Variants in EFHC1 observed in about 807,000 individuals in gnomAD.
EFHC1 encodes the protein EF-hand domain-containing protein 1.
A neutral mutation model predicts 69.9 loss-of-function variants in EFHC1; 53 were observed. That is an observed-to-expected ratio of 0.76 (90% CI 0.61 to 0.95). The LOEUF (loss-of-function observed/expected upper bound fraction) is 0.95. EFHC1 is among the 40% of genes least tolerant of loss of function. The probability of loss-of-function intolerance (pLI) is 0.00; values close to 1 mark genes in which losing one functional copy is unlikely to be tolerated. For synonymous variants in EFHC1, 256 were observed against 278.4 expected (o/e 0.92, Z 0.80); for missense variants, 739 against 798.7 (o/e 0.93, Z 0.90).
At position 52,459,661 on chromosome 6, in the gene EFHC1, TTTTGTTTG is replaced by T. The variant is rs546127402; in HGVS notation, c.917-5214_917-5207del. Among the ~76,000 whole-genome samples the T allele has an allele frequency of 8.0e-5, 12 of 150,056 alleles. No homozygotes were observed. The South Asian group carries it at 1.1e-3, about 13-fold the overall frequency. ...AAAAATAGCGTGACAGGTTTTTTTG[TTTTGTTTG>T]TTTGTTTGTTTGTTTGTTTTTTTGA... On this transcript the variant is annotated intron_variant, in intron 5 of 10. Transcript: ENST00000371068.
intron 3 of EFHC1, among the ~76,000 whole-genome samples, chr6:52,448,484 G>A (rs1042891660): frequency 2.6e-5 from 4 of 152,150 alleles, no homozygotes; most frequent in African/African-American, 9.7e-5. Context: ...GCTTCCCTTT[G>A]CTAGGAAAGG....
intron 3 of EFHC1, among the ~76,000 whole-genome samples, chr6:52,451,649 T>A (rs1290022992): frequency 6.6e-6 from 1 of 152,198 alleles, no homozygotes; most frequent in African/African-American, 2.4e-5. Context: ...TTGCAGGGAT[T>A]CTTTGTATTT....
At chr6:52,448,664 G>A (rs538835909) in intron 3 of EFHC1, among the ~76,000 whole-genome samples, 2 of 152,138 alleles carry the variant, frequency 1.3e-5, no homozygotes, top group South Asian at 4.1e-4. Flanking sequence ...GACTGGAGCT[G>A]TTCCTGTTCG....
Position 52,452,841 on chromosome 6 carries a change from A to G in EFHC1, c.723+4A>G. 1 of 1,614,146 alleles carries G rather than the reference A, an allele frequency of 6.2e-7. No individual in the cohort carries two copies. The highest frequency in any genetic ancestry group is 8.5e-7 in the Non-Finnish European group (1 of 1,180,030). ...ATTTCTCACCTTTGACAAACAGGTA[A>G]GTGACATAGGAACCACAATAGGCTT... On this transcript the variant is annotated splice_donor_region_variant and intron_variant, in intron 4 of 10. Coordinates refer to ENST00000371068, the MANE Select transcript of EFHC1 (RefSeq NM_018100.4).
intron 7 of EFHC1, among the ~76,000 whole-genome samples, chr6:52,473,934 C>T (rs1320161923): frequency 6.6e-6 from 1 of 152,038 alleles, no homozygotes; most frequent in Non-Finnish European, 1.5e-5. Flanking sequence ...ATCTTATATT[C>T]AGAATATATA....
intron 5 of EFHC1, among the ~76,000 whole-genome samples, chr6:52,461,589 T>C (rs12665565): frequency 0.14 from 20,984 of 152,158 alleles, 1,810 homozygotes; most frequent in East Asian, 0.45. Context: ...TACCCAGTAA[T>C]GTGATTGCTG....
intron 5 of EFHC1, among the ~76,000 whole-genome samples, chr6:52,463,438 G>A (rs1429323512): frequency 6.6e-6 from 1 of 152,140 alleles, no homozygotes; most frequent in East Asian, 1.9e-4. Context: ...AAATCCAGCA[G>A]ATCCAGATAA....
rs888130532 is a variant in EFHC1 at position 52,462,661 on chromosome 6, G to A, written c.917-2234G>A. Among the ~76,000 whole-genome samples, 6 of 152,234 alleles carry A rather than the reference G, an allele frequency of 3.9e-5. No homozygotes were observed. The East Asian group carries it at 5.8e-4, about 15-fold the overall frequency. On this transcript the variant is annotated intron_variant, in intron 5 of 10. Transcript: ENST00000371068. ...AGCACTTTGGGAGGCCAAGGCAGGC[G>A]GATCACTTGAGGTCAGGAGTTCGAG...
chr6:52,453,974 C>G (rs916738397), intron 4 of EFHC1, 121 bp from the exon 5 acceptor site: 4 of 1,570,024 alleles, frequency 2.5e-6, no homozygotes, highest in Non-Finnish European at 3.4e-6. Flanking sequence ...TTTACCCCAT[C>G]TGAAATTACT....
chr6:52,484,100 A>G (rs1175716014), intron 9 of EFHC1: 1 of 152,202 alleles, frequency 6.6e-6, no homozygotes. Flanking sequence ...TTCCATAGAG[A>G]GGAAAACATT....
chr6:52,490,181 C>A lies in EFHC1; in HGVS notation c.1682C>A (p.Ala561Glu). The A allele has an allele frequency of 1.2e-6, 2 of 1,614,046 alleles. No individual in the cohort carries two copies. The highest frequency in any genetic ancestry group is 2.2e-5 in the South Asian group (2 of 91,068). Residue 561 changes from alanine (A) to glutamate (E), a missense_variant, in exon 10 of 11, where the codon GCA becomes GAA. Transcript: ENST00000371068. Reference sequence around the variant, plus strand: ...GATCCAGGCGTGCAGGAATTGGAAGCATTAATAGACACAATTCAGAAGCAA... The same window carrying A: ...GATCCAGGCGTGCAGGAATTGGAAGAATTAATAGACACAATTCAGAAGCAA... ...EKDPGVQELE[A>E]LIDTIQKQLK...
intron 6 of EFHC1, among the ~76,000 whole-genome samples, chr6:52,466,181 A>G (rs1765302996): frequency 6.6e-6 from 1 of 152,220 alleles, no homozygotes; most frequent in African/African-American, 2.4e-5. Context: ...ATGTGTGTAA[A>G]GTATCACTGG....
At chr6:52,453,021 T>C (rs1161928136) in intron 4 of EFHC1, 184 bp downstream of exon 4, 3 of 1,534,050 alleles carry the variant, frequency 2.0e-6, no homozygotes, top group Non-Finnish European at 1.7e-6. Context: ...ATGCCTACAT[T>C]TCATATGGAG....
chr6:52,437,704 G>A (rs1562446621), intron 2 of EFHC1: 2 of 153,598 alleles, frequency 1.3e-5, no homozygotes, highest in Non-Finnish European at 2.9e-5. Context: ...AGTTAGGGGA[G>A]GGAAGTAACT....
intron 5 of EFHC1, 119 bp downstream of exon 5, chr6:52,454,406 A>T (rs1330617712): frequency 1.6e-6 from 2 of 1,278,214 alleles, no homozygotes; most frequent in African/African-American, 1.5e-5. Context: ...TTTTGCTTAG[A>T]TGCTCAGAAA....
chr6:52,496,378 ACTC>A lies in EFHC1; in HGVS notation c.*4038_*4040del, dbSNP rs1766062327. On this transcript the variant is annotated 3_prime_UTR_variant, in exon 11 of 11. Coordinates refer to ENST00000371068, the MANE Select transcript of EFHC1 (RefSeq NM_018100.4). ...AAAGATGGGCTGTGAGTTAGCCACTACTCAGAAACCTGGGCCTGTACCTTGTCT... is the reference window on the plus strand; with the variant it reads ...AAAGATGGGCTGTGAGTTAGCCACTAAGAAACCTGGGCCTGTACCTTGTCT... 6.6e-6 allele frequency: 1 copy of A among 152,234 alleles called. No individual in the cohort carries two copies. The highest frequency in any genetic ancestry group is 2.4e-5 in the African/African-American group (1 of 41,420). 9.4% of individuals were successfully genotyped at this position (152,234 alleles called of 1,614,324 possible).
At chr6:52,426,225 A>G (rs1764298280) in intron 2 of EFHC1, among the ~76,000 whole-genome samples, 1 of 152,150 alleles carries the variant, frequency 6.6e-6, no homozygotes, top group Non-Finnish European at 1.5e-5. Flanking sequence ...CCACAGCCCC[A>G]GAATACTTTC....
In EFHC1 at chr6:52,479,749, T is replaced by C. The variant is rs570700601; in HGVS notation, c.1602T>C (p.His534=). The C allele has an allele frequency of 1.5e-5, 24 of 1,614,188 alleles. No homozygotes were observed. The highest frequency in any genetic ancestry group is 5.3e-5 in the African/African-American group (4 of 75,042). The change falls in exon 9 of 11, where the codon CAT becomes CAC. Residue 534 remains histidine (H), a synonymous_variant. Coordinates refer to ENST00000371068, the MANE Select transcript of EFHC1 (RefSeq NM_018100.4). The part of the protein sequence containing the change: ...SPEALASIQN[H]VRKREAPAPE... ...AAGCACTCGCGTCAATTCAGAACCA[T>C]GTCCGAAAGCGAGAAGCGCCTGCTC...
chr6:52,488,455 A>G (rs1275806285), intron 9 of EFHC1: 1 of 152,248 alleles, frequency 6.6e-6, no homozygotes, highest in African/African-American at 2.4e-5. Context: ...AAATTTTTGA[A>G]AATCTTATAA....
Sources: allele counts gnomAD v4.1 joint callset (sites outside exome capture counted in the v4.1 genomes callset), GRCh38; gene constraint gnomAD v4.1.1; transcripts MANE v1.5; gene names NCBI Gene and HGNC (gene_info 2026-07-23, HGNC 2026-07-21).